Variants in SASH1 observed in about 807,000 individuals in gnomAD.
SASH1 encodes SAM and SH3 domain-containing protein 1.
A neutral mutation model predicts 125.2 loss-of-function variants in SASH1; 44 were observed. The ratio of observed to expected loss-of-function variants is 0.35; its 90% confidence interval spans 0.28 to 0.45. The LOEUF is 0.45. Ranked by LOEUF, SASH1 falls within the 20% of genes least tolerant of loss-of-function variation. The pLI, the probability that SASH1 is intolerant of heterozygous loss-of-function variation, is 1.00. For synonymous variants in SASH1, 639 were observed against 649.1 expected (o/e 0.98, Z 0.24); for missense variants, 1,426 against 1,614.5 (o/e 0.88, Z 2.00).
chr6:148,246,260 A>G, the SASH1 span, among the ~76,000 whole-genome samples: 1 of 152,166 alleles, frequency 6.6e-6, no homozygotes, highest in South Asian at 2.1e-4. Context: ...CATTTATCTT[A>G]TCGTCATTCA....
At chr6:148,369,250 T>A (rs1474025661) in intron 1 of SASH1, among the ~76,000 whole-genome samples, 1 of 152,204 alleles carries the variant, frequency 6.6e-6, no homozygotes, top group Non-Finnish European at 1.5e-5. Context: ...GGGAAAAGGC[T>A]GTTTTGGAAG....
intron 16 of SASH1, among the ~76,000 whole-genome samples, chr6:148,538,103 G>T (rs938285480): frequency 6.6e-6 from 1 of 152,102 alleles, no homozygotes; most frequent in Admixed American, 6.6e-5. Context: ...AATGAAGACA[G>T]CGATTCTAGC....
intron 4 of SASH1, among the ~76,000 whole-genome samples, chr6:148,444,279 A>G (rs1776684823): frequency 2.0e-5 from 3 of 152,130 alleles, no homozygotes; most frequent in Non-Finnish European, 4.4e-5. Flanking sequence ...AAATAACATC[A>G]CTTCTGTCAG....
At chr6:148,535,038 G>C (rs1781758757) in intron 16 of SASH1, 137 bp downstream of exon 16, 2 of 1,054,358 alleles carry the variant, frequency 1.9e-6, no homozygotes, top group Non-Finnish European at 2.8e-6. Context: ...ATGACAGTAA[G>C]TCCCTGTACG....
At chr6:148,261,510 G>A in the SASH1 span, among the ~76,000 whole-genome samples, 1 of 152,186 alleles carries the variant, frequency 6.6e-6, no homozygotes, top group African/African-American at 2.4e-5. Context: ...ACACCTGGGA[G>A]GAGAGATTGG....
At chr6:148,267,000 G>C in the SASH1 span, among the ~76,000 whole-genome samples, 1 of 152,068 alleles carries the variant, frequency 6.6e-6, no homozygotes, top group East Asian at 1.9e-4. Flanking sequence ...GCATGCCTAA[G>C]GTACACCTCA....
At chr6:148,227,502 CAT>C in the SASH1 span, among the ~76,000 whole-genome samples, 1 of 152,138 alleles carries the variant, frequency 6.6e-6, no homozygotes, top group Non-Finnish European at 1.5e-5. Flanking sequence ...AGATTACAGG[CAT>C]GCACCACCAC....
chr6:148,256,942 G>C, the SASH1 span, among the ~76,000 whole-genome samples: 1 of 152,138 alleles, frequency 6.6e-6, no homozygotes, highest in African/African-American at 2.4e-5. Context: ...TGACAGGTAT[G>C]GGGTGTGGAG....
At chr6:148,424,520 C>T (rs1239591122) in intron 2 of SASH1, among the ~76,000 whole-genome samples, 3 of 151,612 alleles carry the variant, frequency 2.0e-5, no homozygotes, top group Middle Eastern at 3.4e-3. Context: ...CCACCATATC[C>T]GGCCAGATGG....
At chr6:148,203,434 C>T in the SASH1 span, among the ~76,000 whole-genome samples, 3 of 152,066 alleles carry the variant, frequency 2.0e-5, no homozygotes, top group Non-Finnish European at 2.9e-5. Context: ...CAGCTGACTA[C>T]AAATAAGGAA....
the SASH1 span, among the ~76,000 whole-genome samples, chr6:148,241,302 A>G: frequency 6.6e-6 from 1 of 152,228 alleles, no homozygotes; most frequent in Non-Finnish European, 1.5e-5. Flanking sequence ...TGCCCTGAGC[A>G]AGTCACTCAG....
At chr6:148,535,094 C>T (rs1044703583) in intron 16 of SASH1, among the ~76,000 whole-genome samples, 193 bp downstream of exon 16, 3 of 147,832 alleles carry the variant, frequency 2.0e-5, no homozygotes, top group Non-Finnish European at 4.5e-5. Flanking sequence ...GCCCCACCTA[C>T]GCTGCCAGTA....
At chr6:148,253,319 G>C in the SASH1 span, among the ~76,000 whole-genome samples, 2 of 152,042 alleles carry the variant, frequency 1.3e-5, no homozygotes, top group African/African-American at 4.8e-5. Context: ...AATTCAACTG[G>C]GAAATGAGTA....
At chr6:148,440,295 C>G in intron 3 of SASH1, 61 bp downstream of exon 3, 8 of 1,607,384 alleles carry the variant, frequency 5.0e-6, no homozygotes, top group Non-Finnish European at 6.0e-6. Flanking sequence ...AAGTGACACT[C>G]TGTACAAATC....
At chr6:148,411,593 G>C (rs908919881) in intron 2 of SASH1, among the ~76,000 whole-genome samples, 2 of 152,102 alleles carry the variant, frequency 1.3e-5, no homozygotes, top group African/African-American at 4.8e-5. Flanking sequence ...GCCCAGGCTG[G>C]AGTGCAATGG....
At chr6:148,314,496 T>C (rs1254385582) in intron 1 of SASH1, among the ~76,000 whole-genome samples, 2 of 152,212 alleles carry the variant, frequency 1.3e-5, no homozygotes, top group Non-Finnish European at 2.9e-5. Context: ...AGGAATTTAC[T>C]GAGCCCGCTG....
chr6:148,194,225 A>G, the SASH1 span, among the ~76,000 whole-genome samples: 403 of 152,272 alleles, frequency 2.6e-3, 5 homozygotes, highest in Non-Finnish European at 1.6e-3. Context: ...GACTTTGGTG[A>G]TTCTAGATGA....
chr6:148,348,459 C>T (rs1582998849), intron 1 of SASH1, among the ~76,000 whole-genome samples: 1 of 152,194 alleles, frequency 6.6e-6, no homozygotes, highest in African/African-American at 2.4e-5. Flanking sequence ...TTCCCTCTGC[C>T]ACCTGGCTTC....
chr6:148,364,835 C>T (rs1782383503), intron 1 of SASH1, among the ~76,000 whole-genome samples: 1 of 152,026 alleles, frequency 6.6e-6, no homozygotes, highest in Non-Finnish European at 1.5e-5. Flanking sequence ...CAAAAATTTT[C>T]CCTCCGGCCG....
Sources: allele counts gnomAD v4.1 joint callset (sites outside exome capture counted in the v4.1 genomes callset), GRCh38; gene constraint gnomAD v4.1.1; transcripts MANE v1.5; gene names NCBI Gene and HGNC (gene_info 2026-07-23, HGNC 2026-07-21).